Variants in CYGB observed in about 807,000 individuals in gnomAD.
CYGB encodes the protein histoglobin.
Under a neutral mutation model 20.7 loss-of-function variants are expected in CYGB, and 13 were observed. The observed-to-expected ratio is 0.63, with a 90% confidence interval of 0.41 to 1.00. CYGB has a LOEUF of 1.00. Among genes scored for constraint, CYGB ranks in the 50% least tolerant of loss-of-function variants. The probability of loss-of-function intolerance (pLI) is 0.00; values close to 1 mark genes in which losing one functional copy is unlikely to be tolerated. For synonymous variants in CYGB, 93 were observed against 107.4 expected, an observed-to-expected ratio of 0.87 and a Z score of 0.83; for missense variants, 218 against 257.2, an observed-to-expected ratio of 0.85 and a Z score of 1.04.
rs1215767119 is a variant in CYGB at position 76,527,708 on chromosome 17, C to G, written c.*870G>C. 8.8e-6 allele frequency: 4 copies of G among 454,044 alleles called. No individual in the cohort carries two copies. The highest frequency in any genetic ancestry group is 1.8e-5 in the Non-Finnish European group (4 of 226,744). 28.1% of individuals were successfully genotyped at this position (454,044 alleles called of 1,614,324 possible). A position where few individuals can be genotyped will look rare whatever the true frequency, so the allele number is the denominator to read the frequency against. Reference sequence around the variant, plus strand: ...CCTGCTGCCCAGCAGCCCGGATCCCCCGGGGCTGCCCTGGTGGCCAAGGCA... The same window carrying G: ...CCTGCTGCCCAGCAGCCCGGATCCCGCGGGGCTGCCCTGGTGGCCAAGGCA... On this transcript the variant is annotated 3_prime_UTR_variant, in exon 4 of 4. Transcript: ENST00000293230.
rs370516547 is a variant in CYGB at position 76,531,419 on chromosome 17, G to A, written c.375+41C>T. On this transcript the variant is annotated intron_variant, in intron 2 of 3. Coordinates refer to ENST00000293230, the MANE Select transcript of CYGB (RefSeq NM_134268.5). The surrounding 1 kb of genome is among the most constrained non-coding windows in gnomAD (Gnocchi z 7.4). ...CCTGCGAGCTGCAGATGGCCATGAC[G>A]CGTGGGCGGTGGGGGCTCTGCAGCA... 17 of 1,584,348 alleles carry A rather than the reference G, an allele frequency of 1.1e-5. No individual in the cohort carries two copies. The highest frequency in any genetic ancestry group is 5.4e-5 in the African/African-American group (4 of 74,446).
intron 1 of CYGB, among the ~76,000 whole-genome samples, chr17:76,549,398 A>G (rs560984284): frequency 4.6e-5 from 7 of 152,368 alleles, no homozygotes; most frequent in South Asian, 2.1e-4. Flanking sequence ...GAAAGAAGAA[A>G]GATACTCCAC....
At chr17:76,535,980 T>A (rs2074909120) in intron 1 of CYGB, among the ~76,000 whole-genome samples, 1 of 152,236 alleles carries the variant, frequency 6.6e-6, no homozygotes, top group African/African-American at 2.4e-5. Flanking sequence ...GACACACGGC[T>A]GACGGCACCC....
chr17:76,550,478 T>C (rs4346230), intron 1 of CYGB: 95,705 of 151,616 alleles, frequency 0.63, 33,663 homozygotes, highest in East Asian at 0.87. Context: ...GCCAGGCTGG[T>C]CTCAAACTCC....
chr17:76,541,920 A>G (rs1281439217), upstream of CYGB, among the ~76,000 whole-genome samples: 1 of 152,194 alleles, frequency 6.6e-6, no homozygotes, highest in Non-Finnish European at 1.5e-5. Flanking sequence ...GTGCAGAGTG[A>G]TTGCTCCATA....
Position 76,530,930 on chromosome 17 carries a change from G to A in CYGB, c.539+49C>T, listed in dbSNP as rs747003108. 5.2e-6 allele frequency: 8 copies of A among 1,526,056 alleles called. No individual in the cohort carries two copies. The African/African-American group carries it at 8.3e-5, about 16-fold the overall frequency. The allele number at this position is 1,526,056 out of a possible 1,614,324, so 94.5% of individuals were successfully genotyped here. ...GATATGGGAGACCTCGGGGACAGCAGAGGACATGGCGGGGAGGCTGCCCAG... is the reference window on the plus strand; with the variant it reads ...GATATGGGAGACCTCGGGGACAGCAAAGGACATGGCGGGGAGGCTGCCCAG... On this transcript the variant is annotated intron_variant, in intron 3 of 3. Transcript: ENST00000293230. This position sits in a 1 kb window ranked among gnomAD's most constrained non-coding sequence, Gnocchi z 6.1.
chr17:76,543,101 G>C (rs1357064418), intron 1 of CYGB: 1 of 471,268 alleles, frequency 2.1e-6, no homozygotes, highest in African/African-American at 2.0e-5. Context: ...GGGAGAATGG[G>C]GGGAAGCAGC....
rs564547481 is a variant in CYGB at position 76,527,795 on chromosome 17, C to A, written c.*783G>T. ...CCTCCCCCAGTGCGGTCATCCCACC[C>A]AGAACTTCGCTCTGCCCCTGCCCAT... On this transcript the variant is annotated 3_prime_UTR_variant, in exon 4 of 4. Coordinates refer to ENST00000293230, the MANE Select transcript of CYGB (RefSeq NM_134268.5). 1.8e-5 allele frequency: 8 copies of A among 454,006 alleles called. No individual in the cohort carries two copies. In the East Asian group the frequency reaches 5.6e-4, roughly 32 times the overall value. 28.1% of individuals were successfully genotyped at this position (454,006 alleles called of 1,614,324 possible).
intron 1 of CYGB, 23 bp downstream of exon 1, chr17:76,537,377 C>G (rs1212016633): frequency 4.4e-6 from 7 of 1,574,052 alleles, no homozygotes; most frequent in Middle Eastern, 1.7e-4. Context: ...GCCCAGGGCC[C>G]GGCCGGGCCG....
rs375562952 is a variant in CYGB, at chr17:76,531,181, C to T, written c.376-39G>A. ...GAGGAAGGGGGAGTGAACGCCCGGG[C>T]GCCCTGCGTCCTGCAACCCCCAGGC... On this transcript the variant is annotated intron_variant, in intron 2 of 3. Transcript: ENST00000293230. The surrounding 1 kb of genome is among the most constrained non-coding windows in gnomAD (Gnocchi z 7.4). 3.3e-5 allele frequency: 53 copies of T among 1,590,384 alleles called. No homozygotes were observed. The highest frequency in any genetic ancestry group is 1.9e-4 in the Middle Eastern group (1 of 5,336).
intron 3 of CYGB, chr17:76,529,269 G>A: frequency 1.0e-6 from 1 of 985,442 alleles, no homozygotes; most frequent in South Asian, 4.7e-5. Flanking sequence ...GGGCTAGAGG[G>A]TGTAAAGGGA....
chr17:76,528,088 G>A lies in CYGB; in HGVS notation c.*490C>T, dbSNP rs1267753598. 9 of 372,060 alleles carry A rather than the reference G, an allele frequency of 2.4e-5. No homozygotes were observed. Among genetic ancestry groups the A allele is most frequent in the East Asian group, 2.2e-4 (4 of 18,500 alleles). 23.0% of individuals were successfully genotyped at this position (372,060 alleles called of 1,614,324 possible). On this transcript the variant is annotated 3_prime_UTR_variant, in exon 4 of 4. Coordinates refer to ENST00000293230, the MANE Select transcript of CYGB (RefSeq NM_134268.5). The surrounding 1 kb of genome is among the most constrained non-coding windows in gnomAD (Gnocchi z 5.8). ...GTGGGCCAAACCGAGGCTTCTGGGC[G>A]CCGCGGATACACATTCTAGATATGT...
At position 76,528,114 on chromosome 17, in the gene CYGB, A is replaced by ATG. The variant is rs2074788642; in HGVS notation, c.*462_*463dup. ...CCGCGGATACACATTCTAGATATGT[A>ATG]TGTGTGTATATATATATGTATATAT... On this transcript the variant is annotated 3_prime_UTR_variant, in exon 4 of 4. Coordinates refer to ENST00000293230, the MANE Select transcript of CYGB (RefSeq NM_134268.5). This position sits in a 1 kb window ranked among gnomAD's most constrained non-coding sequence, Gnocchi z 5.8. The ATG allele has an allele frequency of 2.4e-6, 1 of 408,950 alleles. No individual in the cohort carries two copies. The highest frequency in any genetic ancestry group is 3.7e-5 in the South Asian group (1 of 27,314). The allele number at this position is 408,950 out of a possible 1,614,324, so 25.3% of individuals were successfully genotyped here. A position where few individuals can be genotyped will look rare whatever the true frequency, so the allele number is the denominator to read the frequency against.
chr17:76,540,999 C>G (rs1183309035), upstream of CYGB, among the ~76,000 whole-genome samples: 3 of 152,212 alleles, frequency 2.0e-5, no homozygotes. This position sits in a 1 kb window ranked among gnomAD's most constrained non-coding sequence, Gnocchi z 5.0. Context: ...TGTCCAGTCC[C>G]CAATAGAAGG....
At position 76,531,295 on chromosome 17, in the gene CYGB, C is replaced by T. The variant is rs111406262; in HGVS notation, c.376-153G>A. Among the ~76,000 whole-genome samples the T allele has an allele frequency of 1.4e-3, 211 of 152,360 alleles. No individual in the cohort carries two copies. The highest frequency in any genetic ancestry group is 5.0e-3 in the African/African-American group (207 of 41,590). On this transcript the variant is annotated intron_variant, in intron 2 of 3. Transcript: ENST00000293230. This position sits in a 1 kb window ranked among gnomAD's most constrained non-coding sequence, Gnocchi z 7.4. ...CCCCGTGCTCTCAGGACAAGGGTTG[C>T]CCTGGACCCAGCCCCTCCATCCTGC...
chr17:76,541,245 T>C (rs1598212456), upstream of CYGB, among the ~76,000 whole-genome samples: 1 of 152,234 alleles, frequency 6.6e-6, no homozygotes, highest in East Asian at 1.9e-4. Context: ...CAAATCTTTA[T>C]GAAGTTCCCA....
chr17:76,544,878 C>G (rs556991819), intron 1 of CYGB: 27 of 456,826 alleles, frequency 5.9e-5, no homozygotes, highest in African/African-American at 4.2e-4. Context: ...ACGCACTTCC[C>G]CAGGGCAGCG....
intron 1 of CYGB, chr17:76,544,199 G>C (rs937220356): frequency 4.4e-6 from 2 of 454,488 alleles, no homozygotes; most frequent in South Asian, 1.6e-5. Context: ...AAAACCCCCC[G>C]TGCCTCTGTG....
rs368452796 is a variant in CYGB at position 76,530,475 on chromosome 17, GGT to G, written c.539+502_539+503del. ...CCCATGTAGCTTCCTCGTGGGCTGGGGTGTGTGTGTGTGTGTATGTGTCCTCG... is the reference window on the plus strand; with the variant it reads ...CCCATGTAGCTTCCTCGTGGGCTGGGGTGTGTGTGTGTGTATGTGTCCTCG... On this transcript the variant is annotated intron_variant, in intron 3 of 3. Transcript: ENST00000293230. This position sits in a 1 kb window ranked among gnomAD's most constrained non-coding sequence, Gnocchi z 6.1. Among the ~76,000 whole-genome samples the G allele has an allele frequency of 1.3e-5, 2 of 151,656 alleles. No individual in the cohort carries two copies. The highest frequency in any genetic ancestry group is 1.5e-5 in the Non-Finnish European group (1 of 67,772).
Sources: gnomAD v4.1 joint callset for allele counts (sites outside exome capture counted in the v4.1 genomes callset) on GRCh38, gnomAD v4.1.1 for gene constraint, Gnocchi (gnomAD v3.1) non-coding constraint, MANE v1.5 for transcripts, NCBI Gene and HGNC (gene_info 2026-07-23, HGNC 2026-07-21) for gene names.